DNAH9: variants seen among roughly 807,000 people sequenced by gnomAD.
DNAH9 encodes the protein DNAH9 variant protein.
In DNAH9, 345 loss-of-function variants were observed where a neutral mutation model predicts 471.6. The ratio of observed to expected loss-of-function variants is 0.73; its 90% CI spans 0.67 to 0.80. The LOEUF is 0.80. Among genes scored for constraint, DNAH9 ranks in the 30% least tolerant of loss-of-function variants. The probability of loss-of-function intolerance (pLI) is 0.00; values close to 1 mark genes in which losing one functional copy is unlikely to be tolerated. For missense variants in DNAH9, 5,407 were observed against 5,609.2 expected, an observed-to-expected ratio of 0.96 and a Z score of 1.15; for synonymous variants, 2,093 against 2,123.6, an observed-to-expected ratio of 0.99 and a Z score of 0.40.
In DNAH9 at chr17:11,881,416, G is replaced by T; in HGVS notation, c.10806+3G>T. On this transcript the variant is annotated splice_donor_region_variant and intron_variant, in intron 55 of 68. Transcript: ENST00000262442. ...GGCCAGACTTGGAGCAGCTGAAGGT[G>T]AGGACAGAAGGGAGAAAATGTTCTG... is the stretch of plus-strand genomic sequence containing the variant. 6.2e-7 allele frequency: 1 copy of T among 1,607,548 alleles called. No homozygotes were observed.
intron 19 of DNAH9, among the ~76,000 whole-genome samples, chr17:11,687,624 C>A (rs769795535): frequency 1.3e-5 from 2 of 152,132 alleles, no homozygotes; most frequent in Non-Finnish European, 2.9e-5. Flanking sequence ...TTCCTCACAA[C>A]CTTCCCTTTG....
Position 11,598,503 on chromosome 17 carries a change from GGCTCGCGGAGGAGCGGGCCGC to G in DNAH9, c.14_34del (p.Glu5_Ala11del), listed in dbSNP as rs1414498654. On this transcript the variant is annotated inframe_deletion, in exon 1 of 69. Transcript: ENST00000262442. ...TGCAGCTGGAGGCCGCGCGCGATGC[GGCTCGCGGAGGAGCGGGCCGC>G]GCTCGCGGCGGAGAACGCGGATGGG... The G allele has an allele frequency of 1.5e-5, 21 of 1,357,400 alleles. No homozygotes were observed. In the East Asian group the frequency reaches 3.1e-4, roughly 20 times the overall value. 84.1% of individuals were successfully genotyped at this position (1,357,400 alleles called of 1,614,324 possible).
intron 49 of DNAH9, among the ~76,000 whole-genome samples, chr17:11,845,281 T>TA (rs1037235644): frequency 1.5e-5 from 2 of 131,504 alleles, no homozygotes; most frequent in African/African-American, 5.3e-5. Flanking sequence ...TTGCGATAGT[T>TA]TACTGAGAAT....
At chr17:11,752,421 T>A (rs568430244) in intron 32 of DNAH9, among the ~76,000 whole-genome samples, 7 of 152,328 alleles carry the variant, frequency 4.6e-5, no homozygotes, top group Admixed American at 1.3e-4. Flanking sequence ...AGAATGCACC[T>A]TGGGCACTGC....
Position 11,886,450 on chromosome 17 carries a change from A to C in DNAH9, c.10972-375A>C, listed in dbSNP as rs189393148. ...AATTAAGAAAAAAGAAGACTATACT[A>C]TGTTTCTTTCCCTGGATTTCCACTG... On this transcript the variant is annotated intron_variant, in intron 56 of 68. Coordinates refer to ENST00000262442, the MANE Select transcript of DNAH9 (RefSeq NM_001372.4). Among the ~76,000 whole-genome samples, 52 of 150,162 alleles carry C rather than the reference A, an allele frequency of 3.5e-4. No individual in the cohort carries two copies. The East Asian group carries it at 9.4e-3, about 27-fold the overall frequency.
intron 31 of DNAH9, among the ~76,000 whole-genome samples, 195 bp downstream of exon 31, chr17:11,745,279 A>G (rs1280755554): frequency 1.3e-5 from 2 of 152,196 alleles, no homozygotes; most frequent in Admixed American, 6.5e-5. Context: ...AATACAAGGG[A>G]AAGTTGGAGG....
chr17:11,787,964 A>G (rs1288783984), intron 41 of DNAH9, among the ~76,000 whole-genome samples: 1 of 152,142 alleles, frequency 6.6e-6, no homozygotes, highest in Admixed American at 6.5e-5. Context: ...AGTCTCAGGT[A>G]TGTCTTTATC....
chr17:11,888,407 A>G (rs1489174808), intron 57 of DNAH9, among the ~76,000 whole-genome samples: 1 of 152,222 alleles, frequency 6.6e-6, no homozygotes, highest in Non-Finnish European at 1.5e-5. Context: ...CCTAATAACC[A>G]CAGGATCACC....
At position 11,725,483 on chromosome 17, in the gene DNAH9, A is replaced by G. The variant is rs575126666; in HGVS notation, c.5710-2335A>G. On this transcript the variant is annotated intron_variant, in intron 27 of 68. Coordinates refer to ENST00000262442, the MANE Select transcript of DNAH9 (RefSeq NM_001372.4). ...ATCTCTGGCACATAGTATATGCTCA[A>G]TAAATATTTGTTGATATGAAAGTAA... Among the ~76,000 whole-genome samples the G allele has an allele frequency of 6.6e-5, 10 of 152,356 alleles. No homozygotes were observed. In the East Asian group the frequency reaches 1.2e-3, roughly 18 times the overall value.
intron 26 of DNAH9, among the ~76,000 whole-genome samples, chr17:11,717,133 G>A (rs933719613): frequency 1.4e-4 from 21 of 152,344 alleles, no homozygotes; most frequent in African/African-American, 4.6e-4. Context: ...ACCTCATCAT[G>A]CCTTGTGGCA....
At chr17:11,690,514 C>G in intron 20 of DNAH9, 78 bp downstream of exon 20, 3 of 1,341,126 alleles carry the variant, frequency 2.2e-6, no homozygotes, top group Non-Finnish European at 3.1e-6. Flanking sequence ...CCTGCATTGT[C>G]TAGGCTCTTT....
chr17:11,841,690 T>A (rs1359585018), intron 49 of DNAH9, among the ~76,000 whole-genome samples: 9 of 152,072 alleles, frequency 5.9e-5, no homozygotes, highest in Admixed American at 3.3e-4. Flanking sequence ...AGGATAAAGA[T>A]CTTGGGGCCC....
chr17:11,810,885 T>G (rs1312748956), intron 45 of DNAH9, among the ~76,000 whole-genome samples: 16 of 152,238 alleles, frequency 1.1e-4, no homozygotes. Flanking sequence ...TAGTTTTCCT[T>G]GGTCCCCAAA....
In DNAH9 at chr17:11,623,090, C is replaced by T. The variant is rs757329446; in HGVS notation, c.1350+3309C>T. 6.6e-6 allele frequency among the ~76,000 whole-genome samples: 1 copy of T among 151,164 alleles called. No homozygotes were observed. Among genetic ancestry groups the T allele is most frequent in the Admixed American group, 6.6e-5 (1 of 15,144 alleles). On this transcript the variant is annotated intron_variant, in intron 6 of 68. Transcript: ENST00000262442. The surrounding 1 kb of genome is among the most constrained non-coding windows in gnomAD (Gnocchi z 4.1). ...CTGGGTTCAAGCGATTCTCCTGCCTCAGCCTCCCAAGTAGCTGGGATTACA... is the reference window on the plus strand; with the variant it reads ...CTGGGTTCAAGCGATTCTCCTGCCTTAGCCTCCCAAGTAGCTGGGATTACA...
intron 15 of DNAH9, among the ~76,000 whole-genome samples, chr17:11,668,664 CAAAAA>C (rs56347198): frequency 2.1e-4 from 21 of 100,528 alleles, no homozygotes; most frequent in African/African-American, 2.2e-4. Flanking sequence ...GACTGCATCT[CAAAAA>C]AAAAAAAAAA....
Position 11,886,989 on chromosome 17 carries a change from G to C in DNAH9, c.11112+24G>C, listed in dbSNP as rs200630557. The C allele has an allele frequency of 2.7e-5, 44 of 1,601,488 alleles. No individual in the cohort carries two copies. The East Asian group carries it at 7.9e-4, about 29-fold the overall frequency. ...AGGTGACTTACACCTGGAGTTTCTT[G>C]CCTGATTATAATAAAGCAGTGTAAT... On this transcript the variant is annotated intron_variant, in intron 57 of 68. Transcript: ENST00000262442.
intron 48 of DNAH9, among the ~76,000 whole-genome samples, chr17:11,833,106 G>C (rs916050916): frequency 6.6e-6 from 1 of 152,198 alleles, no homozygotes; most frequent in African/African-American, 2.4e-5. Flanking sequence ...TCACTCTGCT[G>C]ATCTGAAAGT....
chr17:11,743,916 G>A (rs1283972881), intron 30 of DNAH9, among the ~76,000 whole-genome samples: 8 of 150,314 alleles, frequency 5.3e-5, no homozygotes, highest in South Asian at 2.1e-4. Flanking sequence ...TGCAACCTCC[G>A]CCTCCCAGGT....
At chr17:11,865,268 T>C (rs1464669202) in intron 50 of DNAH9, among the ~76,000 whole-genome samples, 2 of 152,256 alleles carry the variant, frequency 1.3e-5, no homozygotes, top group East Asian at 3.9e-4. Context: ...TTATTTCTCC[T>C]TCACTTATGA....
Sources: gnomAD v4.1 joint callset for allele counts (sites outside exome capture counted in the v4.1 genomes callset) on GRCh38, gnomAD v4.1.1 for gene constraint, Gnocchi (gnomAD v3.1) non-coding constraint, MANE v1.5 for transcripts, NCBI Gene and HGNC (gene_info 2026-07-23, HGNC 2026-07-21) for gene names.